Variants in ABLIM2 observed in about 807,000 individuals in gnomAD.
ABLIM2 encodes the protein actin binding LIM protein family member 2.
A neutral mutation model predicts 97.7 loss-of-function variants in ABLIM2; 53 were observed. That is an observed-to-expected ratio of 0.54 (90% CI 0.44 to 0.68). The LOEUF (loss-of-function observed/expected upper bound fraction) is 0.68, where lower values mean the gene tolerates loss of function less well. ABLIM2 is among the 30% of genes least tolerant of loss of function. The pLI is 0.00. For synonymous variants in ABLIM2, 361 were observed against 345.8 expected (o/e 1.04, Z -0.49); for missense variants, 835 against 867.2 (o/e 0.96, Z 0.47).
chr4:7,971,554 G>A (rs913580017), intron 20 of ABLIM2, among the ~76,000 whole-genome samples: 9 of 152,160 alleles, frequency 5.9e-5, no homozygotes, highest in African/African-American at 1.4e-4. Context: ...TAGCCAGGAA[G>A]TGGCAGAGCC....
rs987123550 is a variant in ABLIM2, at chr4:8,155,338, T to C, written c.10+3342A>G. Among the ~76,000 whole-genome samples the C allele has an allele frequency of 2.9e-4, 44 of 152,338 alleles. No individual in the cohort carries two copies. The highest frequency in any genetic ancestry group is 1.6e-3 in the Admixed American group (25 of 15,298). On this transcript the variant is annotated intron_variant, in intron 1 of 20. Transcript: ENST00000447017. This position sits in a 1 kb window ranked among gnomAD's most constrained non-coding sequence, Gnocchi z 4.2. Reference sequence around the variant, plus strand: ...TGTGTCTCTGTTCCAAATACTAGGATCTGCACCGTCCACAGTCTGGGGACT... The same window carrying C: ...TGTGTCTCTGTTCCAAATACTAGGACCTGCACCGTCCACAGTCTGGGGACT...
chr4:8,143,218 T>A (rs1851301967), intron 1 of ABLIM2, among the ~76,000 whole-genome samples: 1 of 148,040 alleles, frequency 6.8e-6, no homozygotes, highest in Non-Finnish European at 1.5e-5. Flanking sequence ...TATCACAGCG[T>A]CCCAGGCTGA....
At position 8,032,457 on chromosome 4, in the gene ABLIM2, G is replaced by A. The variant is rs1391426152; in HGVS notation, c.1048-2681C>T. On this transcript the variant is annotated intron_variant, in intron 10 of 20. Transcript: ENST00000447017. The surrounding 1 kb of genome is among the most constrained non-coding windows in gnomAD (Gnocchi z 4.3). Reference sequence around the variant, plus strand: ...GCTGGCAGACATATCGGGGAGGCATGCAAGTGCGGGGTGATCATAAAAATA... The same window carrying A: ...GCTGGCAGACATATCGGGGAGGCATACAAGTGCGGGGTGATCATAAAAATA... Among the ~76,000 whole-genome samples, 2 of 152,188 alleles carry A rather than the reference G, an allele frequency of 1.3e-5. No homozygotes were observed. The highest frequency in any genetic ancestry group is 2.9e-5 in the Non-Finnish European group (2 of 68,018).
At chr4:8,006,598 A>G (rs1018613942) in intron 16 of ABLIM2, among the ~76,000 whole-genome samples, 111 of 152,318 alleles carry the variant, frequency 7.3e-4, no homozygotes, top group African/African-American at 2.5e-3. Context: ...TCTAAACACA[A>G]CGGCATCTGA....
intron 1 of ABLIM2, among the ~76,000 whole-genome samples, chr4:8,154,701 G>A (rs371731902): frequency 9.2e-5 from 14 of 152,354 alleles, no homozygotes; most frequent in East Asian, 5.8e-4. Context: ...TAGAATGTAA[G>A]TTCAAGAGAA....
In ABLIM2 at chr4:8,127,346, C is replaced by T. The variant is rs565789787; in HGVS notation, c.11-20709G>A. On this transcript the variant is annotated intron_variant, in intron 1 of 20. Transcript: ENST00000447017. This position sits in a 1 kb window ranked among gnomAD's most constrained non-coding sequence, Gnocchi z 7.3. ...CAGTGCTGTCCATAGAGAGTGTCCC[C>T]GAAGCCTGCACCCACTGGCGCTCGT... 1.7e-3 allele frequency among the ~76,000 whole-genome samples: 256 copies of T among 152,246 alleles called. No homozygotes were observed. The highest frequency in any genetic ancestry group is 3.1e-3 in the Non-Finnish European group (212 of 68,000).
At position 8,147,477 on chromosome 4, in the gene ABLIM2, G is replaced by A. The variant is rs10025111; in HGVS notation, c.10+11203C>T. 0.011 allele frequency among the ~76,000 whole-genome samples: 1,681 copies of A among 152,300 alleles called. 33 individuals are homozygous for A. The highest frequency in any genetic ancestry group is 0.038 in the African/African-American group (1,576 of 41,552). On this transcript the variant is annotated intron_variant, in intron 1 of 20. Coordinates refer to ENST00000447017, the MANE Select transcript of ABLIM2 (RefSeq NM_001130083.2). The surrounding 1 kb of genome is among the most constrained non-coding windows in gnomAD (Gnocchi z 5.3). ...TTTGCAGATGTGATTTACATAAAGC[G>A]TCTAGAGACTGGGAGATGATTCTGG...
rs374821755 is a variant in ABLIM2 at position 8,077,679 on chromosome 4, G to A, written c.624C>T (p.Phe208=). 1.3e-4 allele frequency: 204 copies of A among 1,613,134 alleles called. No individual in the cohort carries two copies. The highest frequency in any genetic ancestry group is 5.0e-4 in the Middle Eastern group (3 of 6,060). ...PYCEADYHAK[F]GIRCDSCEKY... ...TCTCACAGCTGTCACAGCGGATGCCGAACTTGGCGTGATAGTCAGCTTCGC... is the reference window on the plus strand; with the variant it reads ...TCTCACAGCTGTCACAGCGGATGCCAAACTTGGCGTGATAGTCAGCTTCGC... Residue 208 remains phenylalanine, a synonymous_variant, in exon 6 of 21, where the codon TTC becomes TTT. Coordinates refer to ENST00000447017, the MANE Select transcript of ABLIM2 (RefSeq NM_001130083.2).
At chr4:8,131,329 A>G (rs1476098849) in intron 1 of ABLIM2, among the ~76,000 whole-genome samples, 1 of 152,180 alleles carries the variant, frequency 6.6e-6, no homozygotes, top group East Asian at 1.9e-4. Flanking sequence ...ACTATTTTCT[A>G]CTCAACTCAC....
Position 8,022,628 on chromosome 4 carries a change from T to C in ABLIM2, c.1268-2325A>G, listed in dbSNP as rs1180913770. On this transcript the variant is annotated intron_variant, in intron 12 of 20. Coordinates refer to ENST00000447017, the MANE Select transcript of ABLIM2 (RefSeq NM_001130083.2). The surrounding 1 kb of genome is among the most constrained non-coding windows in gnomAD (Gnocchi z 7.8). ...CCCACCTGTCCGGACCCTTCCTGGGTCCAGGTTCAGGCTCTGCCTCCTCTG... is the reference window on the plus strand; with the variant it reads ...CCCACCTGTCCGGACCCTTCCTGGGCCCAGGTTCAGGCTCTGCCTCCTCTG... 6.6e-6 allele frequency: 1 copy of C among 152,344 alleles called. No homozygotes were observed. The highest frequency in any genetic ancestry group is 1.5e-5 in the Non-Finnish European group (1 of 68,214). 9.4% of individuals were successfully genotyped at this position (152,344 alleles called of 1,614,324 possible). A position where few individuals can be genotyped will look rare whatever the true frequency, so the allele number is the denominator to read the frequency against.
rs1443497317 is a variant in ABLIM2 at position 7,965,919 on chromosome 4, G to A, written c.*1071C>T. The A allele has an allele frequency of 1.3e-5, 2 of 152,220 alleles. No homozygotes were observed. Among genetic ancestry groups the A allele is most frequent in the African/African-American group, 2.4e-5 (1 of 41,422 alleles). The allele number at this position is 152,220 out of a possible 1,614,324, so 9.4% of individuals were successfully genotyped here. A position where few individuals can be genotyped will look rare whatever the true frequency, so the allele number is the denominator to read the frequency against. Reference sequence around the variant, plus strand: ...ACACCGCCAGCCACAGCACAAGGACGGTGCATCAAGAGCTACGTCGGGTAT... The same window carrying A: ...ACACCGCCAGCCACAGCACAAGGACAGTGCATCAAGAGCTACGTCGGGTAT... On this transcript the variant is annotated 3_prime_UTR_variant, in exon 21 of 21. Transcript: ENST00000447017.
intron 4 of ABLIM2, among the ~76,000 whole-genome samples, chr4:8,086,680 G>A (rs1376446390): frequency 1.3e-5 from 2 of 152,162 alleles, no homozygotes; most frequent in Non-Finnish European, 2.9e-5. Context: ...CCAGGAAGCT[G>A]TGGACAAACT....
Position 8,104,922 on chromosome 4 carries a change from G to A in ABLIM2, c.154+1572C>T, listed in dbSNP as rs144697247. 7.9e-3 allele frequency among the ~76,000 whole-genome samples: 1,206 copies of A among 152,226 alleles called. 17 individuals carry two copies. The highest frequency in any genetic ancestry group is 0.028 in the African/African-American group (1,158 of 41,532). On this transcript the variant is annotated intron_variant, in intron 2 of 20. Coordinates refer to ENST00000447017, the MANE Select transcript of ABLIM2 (RefSeq NM_001130083.2). ...GACTAGTGGACAATGTCTGCACTCC[G>A]ATGGGCAGCACTGGAGACAGCACCT... is the stretch of plus-strand genomic sequence containing the variant.
At chr4:8,146,042 T>A (rs932514150) in intron 1 of ABLIM2, among the ~76,000 whole-genome samples, 1 of 152,224 alleles carries the variant, frequency 6.6e-6, no homozygotes, top group African/African-American at 2.4e-5. Flanking sequence ...TTGCCCATGA[T>A]CCTAGCACAT....
Position 8,072,936 on chromosome 4 carries a change from CG to C in ABLIM2, c.675+4691del, listed in dbSNP as rs543153861. Reference sequence around the variant, plus strand: ...TAGGGTTTCCTGCACACAAAGCCCCCGGATCTGCAGAAGAGCAGGGAGAGTA... The same window carrying C: ...TAGGGTTTCCTGCACACAAAGCCCCCGATCTGCAGAAGAGCAGGGAGAGTA... On this transcript the variant is annotated intron_variant, in intron 6 of 20. Coordinates refer to ENST00000447017, the MANE Select transcript of ABLIM2 (RefSeq NM_001130083.2). This position sits in a 1 kb window ranked among gnomAD's most constrained non-coding sequence, Gnocchi z 5.8. Among the ~76,000 whole-genome samples the C allele has an allele frequency of 3.4e-4, 51 of 152,182 alleles. No individual in the cohort carries two copies. Among genetic ancestry groups the C allele is most frequent in the African/African-American group, 1.2e-3 (48 of 41,518 alleles).
At chr4:8,129,155 A>T (rs1487580880) in intron 1 of ABLIM2, among the ~76,000 whole-genome samples, 1 of 152,236 alleles carries the variant, frequency 6.6e-6, no homozygotes, top group African/African-American at 2.4e-5. Context: ...GGGGCAGGAA[A>T]TGTTTCCTTT....
chr4:8,045,306 G>C, intron 8 of ABLIM2, 65 bp from the exon 9 acceptor site: 2 of 1,424,286 alleles, frequency 1.4e-6, no homozygotes, highest in Non-Finnish European at 2.0e-6. Flanking sequence ...AGAGGCGACT[G>C]TCAGGAGTTC....
At position 8,085,844 on chromosome 4, in the gene ABLIM2, G is replaced by T. The variant is rs17179081; in HGVS notation, c.454+2325C>A. Among the ~76,000 whole-genome samples the T allele has an allele frequency of 6.6e-6, 1 of 152,116 alleles. No individual in the cohort carries two copies. The highest frequency in any genetic ancestry group is 1.5e-5 in the Non-Finnish European group (1 of 68,002). ...CCTGCGTCTCCAGTTTCAGAACCAA[G>T]GCCACCTTGGACAGCCTCTAGTCCT... On this transcript the variant is annotated intron_variant, in intron 4 of 20. Coordinates refer to ENST00000447017, the MANE Select transcript of ABLIM2 (RefSeq NM_001130083.2). This position sits in a 1 kb window ranked among gnomAD's most constrained non-coding sequence, Gnocchi z 6.1.
chr4:8,051,444 C>T (rs1479887826), intron 8 of ABLIM2, among the ~76,000 whole-genome samples: 2 of 151,018 alleles, frequency 1.3e-5, no homozygotes, highest in Admixed American at 1.3e-4. Context: ...GTAGTCCCAG[C>T]TACTTGGGAG....
Sources: allele counts gnomAD v4.1 joint callset (sites outside exome capture counted in the v4.1 genomes callset), GRCh38; gene constraint gnomAD v4.1.1; non-coding constraint Gnocchi (gnomAD v3.1); transcripts MANE v1.5; gene names NCBI Gene and HGNC (gene_info 2026-07-23, HGNC 2026-07-21).